Variants in POLA1 observed in about 807,000 individuals in gnomAD.
The protein encoded by POLA1 is DNA polymerase alpha catalytic subunit.
A neutral mutation model predicts 124.0 loss-of-function variants in POLA1; 15 were observed. The ratio of observed to expected loss-of-function variants is 0.12; its 90% confidence interval spans 0.08 to 0.19. The LOEUF (loss-of-function observed/expected upper bound fraction) is 0.19. Ranked by LOEUF, POLA1 falls within the 10% of genes least tolerant of loss-of-function variation. The pLI is 1.00. For missense variants in POLA1, 886 were observed against 1,103.4 expected (o/e 0.80, Z 2.79); for synonymous variants, 408 against 389.4 (o/e 1.05, Z -0.56).
chrX:24,914,786 G>C, intron 35 of POLA1, among the ~76,000 whole-genome samples: 2 of 111,410 alleles, frequency 1.8e-5, no homozygotes, highest in South Asian at 7.6e-4. Context: ...CGGGAGCATA[G>C]ATAGCATCAT....
At chrX:24,788,561 A>G (rs757804791) in intron 26 of POLA1, 32 of 1,189,987 alleles carry the variant, frequency 2.7e-5, no homozygotes, top group Non-Finnish European at 3.6e-5. Context: ...GCCCCAGACT[A>G]AGCCGTCTGC....
intron 36 of POLA1, among the ~76,000 whole-genome samples, chrX:24,959,035 T>C (rs73471576): frequency 0.042 from 4,721 of 111,534 alleles, 252 homozygotes; most frequent in African/African-American, 0.15. Flanking sequence ...GTGAAGTCAT[T>C]GTATTCCTTG....
At chrX:24,868,497 T>G (rs1340928880) in intron 34 of POLA1, among the ~76,000 whole-genome samples, 1 of 112,139 alleles carries the variant, frequency 8.9e-6, no homozygotes, top group Non-Finnish European at 1.9e-5. Flanking sequence ...TCATGTACTT[T>G]GAGAAGCCTT....
At chrX:24,734,788 G>A (rs981315611) in intron 17 of POLA1, among the ~76,000 whole-genome samples, 1 of 111,045 alleles carries the variant, frequency 9.0e-6, no homozygotes, top group African/African-American at 3.3e-5. Flanking sequence ...GCTAATTTTT[G>A]TATTTTTAGT....
intron 10 of POLA1, among the ~76,000 whole-genome samples, chrX:24,719,409 T>A (rs1930058214): frequency 8.9e-6 from 1 of 111,988 alleles, no homozygotes; most frequent in Middle Eastern, 4.2e-3. Context: ...ATAATCAATT[T>A]TAGAAATGAT....
At chrX:24,737,117 C>T (rs980922063) in intron 18 of POLA1, among the ~76,000 whole-genome samples, 3 of 110,603 alleles carry the variant, frequency 2.7e-5, no homozygotes, top group Non-Finnish European at 3.8e-5. Context: ...TATCTTGTTG[C>T]ATATCAATTA....
chrX:24,694,012 A>T lies in POLA1; in HGVS notation c.43+8A>T. The T allele has an allele frequency of 8.5e-7, 1 of 1,177,891 alleles. No individual in the cohort carries two copies. Among genetic ancestry groups the T allele is most frequent in the South Asian group, 1.9e-5 (1 of 53,282 alleles). ...GTGAGATAGGGGCGAGTGGTGAGGG[A>T]CAATTCCGCGCGCGGGGCTCCGGGT... is the stretch of plus-strand genomic sequence containing the variant. On this transcript the variant is annotated splice_region_variant and intron_variant, in intron 1 of 36. Coordinates refer to ENST00000379068, the MANE Select transcript of POLA1 (RefSeq NM_001330360.2).
chrX:24,819,080 T>G (rs1456508333), intron 30 of POLA1, among the ~76,000 whole-genome samples: 1 of 112,463 alleles, frequency 8.9e-6, no homozygotes, highest in Non-Finnish European at 1.9e-5. Flanking sequence ...TGTTCTCTTA[T>G]ATTAAAATCT....
intron 35 of POLA1, among the ~76,000 whole-genome samples, chrX:24,893,954 T>G (rs776148310): frequency 1.5e-3 from 171 of 111,653 alleles, no homozygotes; most frequent in African/African-American, 5.3e-3. Context: ...TCCCTTTTTC[T>G]GTCTCTGCCT....
At position 24,748,964 on chromosome X, in the gene POLA1, C is replaced by A; in HGVS notation, c.2936C>A (p.Ala979Asp). 8.3e-7 allele frequency: 1 copy of A among 1,201,513 alleles called. No individual in the cohort carries two copies. The highest frequency in any genetic ancestry group is 1.1e-6 in the Non-Finnish European group (1 of 886,201). The change falls in exon 26 of 37, where the codon GCT (alanine) becomes GAT (aspartate). Residue 979 changes from alanine (A) to aspartate (D), a missense_variant. Ala to Asp is a moderately radical substitution (Grantham distance 126). Around this residue, in one of 7 missense-constraint regions of POLA1, gnomAD observed 1 missense variants for 16.3 expected, o/e 0.06. Transcript: ENST00000379068. Reference protein sequence around the residue: ...SYSRFYAKPLAALVTYKGREI... With the variant: ...SYSRFYAKPLDALVTYKGREI... ...AGCAGATTTTACGCCAAACCACTGG[C>A]TGCCTTGGTGACATACAAAGGAAGG...
chrX:24,873,441 A>G (rs34405866), intron 34 of POLA1, among the ~76,000 whole-genome samples: 1,972 of 112,129 alleles, frequency 0.018, 25 homozygotes, highest in Admixed American at 0.065. Flanking sequence ...TTATAATAGT[A>G]ATAGTAAGAG....
At chrX:24,914,567 G>T (rs1199720055) in intron 35 of POLA1, among the ~76,000 whole-genome samples, 1 of 98,778 alleles carries the variant, frequency 1.0e-5, no homozygotes, top group Admixed American at 1.1e-4. Context: ...AAAATTGATA[G>T]AATAGATTTG....
At chrX:24,751,449 A>AG (rs1352100415) in intron 26 of POLA1, among the ~76,000 whole-genome samples, 1 of 112,305 alleles carries the variant, frequency 8.9e-6, no homozygotes, top group Non-Finnish European at 1.9e-5. Context: ...TAAAAAACAA[A>AG]GGATTTCAGA....
intron 34 of POLA1, among the ~76,000 whole-genome samples, chrX:24,859,916 TTAGGAATCTCTA>T (rs2046695067): frequency 8.9e-6 from 1 of 112,877 alleles, no homozygotes; most frequent in African/African-American, 3.2e-5. Flanking sequence ...TTCAATCACC[TTAGGAATCTCTA>T]AGAAATTAAA....
intron 32 of POLA1, among the ~76,000 whole-genome samples, chrX:24,831,221 G>A (rs1265198427): frequency 9.0e-6 from 1 of 111,003 alleles, no homozygotes; most frequent in Middle Eastern, 4.2e-3. Context: ...ATGTTTGGGG[G>A]TGCTTTTGAC....
At chrX:24,934,140 A>G (rs1310499041) in intron 36 of POLA1, among the ~76,000 whole-genome samples, 1 of 112,048 alleles carries the variant, frequency 8.9e-6, no homozygotes, top group African/African-American at 3.2e-5. Context: ...TGGCCTGAGT[A>G]GGGGTAAGTG....
At chrX:24,784,263 C>T (rs1462339492) in intron 26 of POLA1, among the ~76,000 whole-genome samples, 1 of 107,863 alleles carries the variant, frequency 9.3e-6, no homozygotes, top group Non-Finnish European at 1.9e-5. Flanking sequence ...ATGTTGGCCA[C>T]TCTGGTCTCG....
At chrX:24,919,642 A>G (rs2047582201) in intron 35 of POLA1, among the ~76,000 whole-genome samples, 1 of 110,241 alleles carries the variant, frequency 9.1e-6, no homozygotes, top group Admixed American at 9.7e-5. Flanking sequence ...TTATATTTCA[A>G]TTTTTATTTT....
At chrX:24,866,469 A>G (rs1008232805) in intron 34 of POLA1, among the ~76,000 whole-genome samples, 1 of 112,000 alleles carries the variant, frequency 8.9e-6, no homozygotes, top group East Asian at 2.8e-4. Context: ...ACCTCAGTTC[A>G]ACAATCCTTT....
Sources: allele counts gnomAD v4.1 joint callset (sites outside exome capture counted in the v4.1 genomes callset), GRCh38; gene constraint gnomAD v4.1.1; regional missense constraint gnomAD v4.1.1; transcripts MANE v1.5; gene names NCBI Gene and HGNC (gene_info 2026-07-23, HGNC 2026-07-21).